The following RALGAPA1 variants were observed in gnomAD, a reference collection of about 807,000 sequenced individuals.
RALGAPA1 encodes the protein Ral GTPase activating protein catalytic subunit alpha 1.
In RALGAPA1, 52 loss-of-function variants were observed where a neutral mutation model predicts 269.6. The ratio of observed to expected loss-of-function variants is 0.19; its 90% confidence interval spans 0.15 to 0.24. The LOEUF is 0.24. Among genes scored for constraint, RALGAPA1 ranks in the 10% least tolerant of loss-of-function variants. The pLI, the probability that RALGAPA1 is intolerant of heterozygous loss-of-function variation, is 1.00. For missense variants in RALGAPA1, 1,917 were observed against 3,013.9 expected (o/e 0.64, Z 8.52); for synonymous variants, 817 against 1,008.3 (o/e 0.81, Z 3.60).
chr14:35,610,897 GAAT>G, intron 35 of RALGAPA1, among the ~76,000 whole-genome samples: 1 of 151,908 alleles, frequency 6.6e-6, no homozygotes, highest in Non-Finnish European at 1.5e-5. Flanking sequence ...GCACCCAAAA[GAAT>G]AATACTTGGG....
intron 35 of RALGAPA1, among the ~76,000 whole-genome samples, chr14:35,621,897 C>T (rs1187494748): frequency 3.9e-5 from 6 of 152,158 alleles, no homozygotes; most frequent in Admixed American, 6.5e-5. Context: ...GAAACAGGAA[C>T]GCTTTTACAC....
At position 35,654,389 on chromosome 14, in the gene RALGAPA1, T is replaced by A. The variant is rs766152802; in HGVS notation, c.5585A>T (p.Asp1862Val). Residue 1862 changes from aspartate (D) to valine (V), a missense_variant, in exon 30 of 42, where the codon GAT (aspartate) becomes GTT (valine). Transcript: ENST00000680220. Reference sequence around the variant, plus strand: ...TACTTGAATAATTTTCAAGGGAGAATCAGGCTGGTAAATCTGAAGTCTAGG... The same window carrying A: ...TACTTGAATAATTTTCAAGGGAGAAACAGGCTGGTAAATCTGAAGTCTAGG... ...YVPRLQIYQP[D>V]SPLKIIQILI... The A allele has an allele frequency of 6.9e-6, 11 of 1,597,886 alleles. No individual in the cohort carries two copies. Among genetic ancestry groups the A allele is most frequent in the African/African-American group, 1.3e-5 (1 of 74,360 alleles).
chr14:35,597,527 G>A (rs1475252048), intron 36 of RALGAPA1, among the ~76,000 whole-genome samples: 1 of 151,968 alleles, frequency 6.6e-6, no homozygotes, highest in Non-Finnish European at 1.5e-5. Flanking sequence ...AGAGTCATAT[G>A]AAGAAATGAA....
chr14:35,649,068 G>A (rs1044732607), intron 31 of RALGAPA1, among the ~76,000 whole-genome samples: 3 of 152,148 alleles, frequency 2.0e-5, no homozygotes, highest in Non-Finnish European at 2.9e-5. Flanking sequence ...TACTGACAAT[G>A]CCAATAATTT....
intron 4 of RALGAPA1, chr14:35,766,569 C>A (rs560832837): frequency 2.4e-6 from 2 of 821,618 alleles, no homozygotes; most frequent in South Asian, 1.3e-5. Context: ...TGATGGGCTA[C>A]AATATGGTCA....
intron 21 of RALGAPA1, among the ~76,000 whole-genome samples, chr14:35,681,251 T>C (rs940757313): frequency 6.6e-6 from 1 of 152,240 alleles, no homozygotes; most frequent in Non-Finnish European, 1.5e-5. Context: ...TGTTGAATTT[T>C]GTGCCTTCTA....
At chr14:35,748,863 T>C in intron 9 of RALGAPA1, 39 bp from the exon 10 acceptor site, 2 of 1,539,218 alleles carry the variant, frequency 1.3e-6, no homozygotes, top group Non-Finnish European at 1.7e-6. Context: ...AGAAACAATA[T>C]CATAATCATT....
rs1293066869 is a variant in RALGAPA1, at chr14:35,684,995, G to T, written c.4228C>A (p.Leu1410Ile). 2 of 1,613,354 alleles carry T rather than the reference G, an allele frequency of 1.2e-6. No homozygotes were observed. The highest frequency in any genetic ancestry group is 2.7e-5 in the African/African-American group (2 of 74,900). Residue 1410 changes from leucine (L) to isoleucine (I), a missense_variant, in exon 20 of 42, where the codon CTT becomes ATT. By Grantham distance (5) the Leu-to-Ile change is conservative. Around this residue, in one of 11 missense-constraint regions of RALGAPA1, gnomAD observed 615 missense variants for 790.0 expected, o/e 0.78. Transcript: ENST00000680220. ...TSPASAGSSD[L>I]ISSDSHSDSF... ...TCCGAATGACTATCTGAGCTGATAAGATCACTGCTCCCTGCACTGGCAGGA... is the reference window on the plus strand; with the variant it reads ...TCCGAATGACTATCTGAGCTGATAATATCACTGCTCCCTGCACTGGCAGGA...
At chr14:35,618,439 ACTC>A (rs1400581122) in intron 35 of RALGAPA1, among the ~76,000 whole-genome samples, 2 of 152,088 alleles carry the variant, frequency 1.3e-5, no homozygotes, top group Non-Finnish European at 2.9e-5. Flanking sequence ...CCATATAAGA[ACTC>A]CTAGAAAACA....
At chr14:35,699,895 CAAA>C (rs34255458) in intron 17 of RALGAPA1, among the ~76,000 whole-genome samples, 9 of 76,320 alleles carry the variant, frequency 1.2e-4, no homozygotes, top group Non-Finnish European at 2.2e-4. Context: ...AATCAAACAG[CAAA>C]AAAAAAAAAA....
chr14:35,645,178 T>C (rs547185867), intron 31 of RALGAPA1, among the ~76,000 whole-genome samples: 188 of 152,200 alleles, frequency 1.2e-3, no homozygotes, highest in African/African-American at 4.4e-3. Flanking sequence ...TATTAGTTCA[T>C]CTCTCTTCTT....
chr14:35,753,754 T>C (rs553305076), intron 7 of RALGAPA1, among the ~76,000 whole-genome samples: 27 of 152,290 alleles, frequency 1.8e-4, no homozygotes, highest in Middle Eastern at 3.4e-3. Context: ...ACTAAAATTA[T>C]ACTGTGATGG....
intron 16 of RALGAPA1, among the ~76,000 whole-genome samples, chr14:35,721,371 C>G (rs1297592261): frequency 6.6e-6 from 1 of 152,154 alleles, no homozygotes; most frequent in Non-Finnish European, 1.5e-5. Flanking sequence ...AATGAAACCA[C>G]ATCAGTTAAT....
intron 9 of RALGAPA1, 24 bp from the exon 10 acceptor site, chr14:35,748,848 A>AAAG (rs1567149440): frequency 1.9e-5 from 30 of 1,543,828 alleles, no homozygotes; most frequent in South Asian, 6.3e-5. Flanking sequence ...AAAAAAAAAA[A>AAAG]AGAGAGAAAC....
intron 35 of RALGAPA1, among the ~76,000 whole-genome samples, chr14:35,610,359 T>G (rs1488706951): frequency 6.6e-6 from 1 of 151,708 alleles, no homozygotes; most frequent in Non-Finnish European, 1.5e-5. Flanking sequence ...CTCTGCTCAC[T>G]GCAAGCTCCG....
chr14:35,592,272 T>C (rs1263864024), intron 37 of RALGAPA1, among the ~76,000 whole-genome samples: 6 of 152,038 alleles, frequency 3.9e-5, no homozygotes, highest in Non-Finnish European at 2.9e-5. Flanking sequence ...CTAGAGGAAA[T>C]GGATAAGTTT....
chr14:35,709,631 T>C (rs147576235), intron 16 of RALGAPA1, among the ~76,000 whole-genome samples: 1,732 of 152,230 alleles, frequency 0.011, 8 homozygotes, highest in Non-Finnish European at 0.019. Flanking sequence ...TAGTTTCCTA[T>C]GGTGGAAGCT....
chr14:35,762,890 T>C (rs1400454913), intron 4 of RALGAPA1, 137 bp from the exon 5 acceptor site: 1 of 607,838 alleles, frequency 1.6e-6, no homozygotes, highest in Non-Finnish European at 3.0e-6. Flanking sequence ...TATATCCTTC[T>C]GCCATACTTG....
Position 35,552,022 on chromosome 14 carries a change from A to C in RALGAPA1, c.7497-2788T>G, listed in dbSNP as rs891686579. ...AAGTTTCCTTTTTGGGGGGTCAAAC[A>C]CTGTTAGCTTGGTAAAATAACTATA... On this transcript the variant is annotated intron_variant, in intron 39 of 41. Coordinates refer to ENST00000680220, the MANE Select transcript of RALGAPA1 (RefSeq NM_001346249.2). Among the ~76,000 whole-genome samples the C allele has an allele frequency of 3.3e-5, 5 of 152,260 alleles. No individual in the cohort carries two copies. In the East Asian group the frequency reaches 7.7e-4, roughly 23 times the overall value.
Sources: allele counts gnomAD v4.1 joint callset (sites outside exome capture counted in the v4.1 genomes callset), GRCh38; gene constraint gnomAD v4.1.1; regional missense constraint gnomAD v4.1.1; transcripts MANE v1.5; gene names NCBI Gene and HGNC (gene_info 2026-07-23, HGNC 2026-07-21).